Variants in CSMD2 observed in about 807,000 individuals in gnomAD.
CSMD2 encodes the protein CUB and sushi domain-containing protein 2.
A neutral mutation model predicts 398.5 loss-of-function variants in CSMD2; 130 were observed. The ratio of observed to expected loss-of-function variants is 0.33; its 90% CI spans 0.28 to 0.38. The LOEUF (loss-of-function observed/expected upper bound fraction) is 0.38. Among genes scored for constraint, CSMD2 ranks in the 10% least tolerant of loss-of-function variants. The probability of loss-of-function intolerance (pLI) is 1.00; values close to 1 mark genes in which losing one functional copy is unlikely to be tolerated. For synonymous variants in CSMD2, 1,828 were observed against 1,908.5 expected (o/e 0.96, Z 1.10); for missense variants, 3,829 against 4,764.9 (o/e 0.80, Z 5.78).
At chr1:33,596,387 C>A (rs1639838343) in intron 44 of CSMD2, among the ~76,000 whole-genome samples, 1 of 152,128 alleles carries the variant, frequency 6.6e-6, no homozygotes, top group Non-Finnish European at 1.5e-5. Context: ...CAGTGTGGCT[C>A]CCCCTGACAC....
intron 3 of CSMD2, among the ~76,000 whole-genome samples, chr1:34,009,972 C>A (rs138806509): frequency 6.6e-6 from 1 of 152,148 alleles, no homozygotes; most frequent in Non-Finnish European, 1.5e-5. Flanking sequence ...AATCCATTCT[C>A]CCTTCAGCAG....
At chr1:33,670,981 T>G (rs1644477974) in intron 25 of CSMD2, among the ~76,000 whole-genome samples, 1 of 149,776 alleles carries the variant, frequency 6.7e-6, no homozygotes, top group Non-Finnish European at 1.5e-5. Context: ...ATGAAGGGGG[T>G]GGGTGAGGAG....
At chr1:33,899,284 C>G (rs1465182124) in intron 5 of CSMD2, among the ~76,000 whole-genome samples, 2 of 152,210 alleles carry the variant, frequency 1.3e-5, no homozygotes, top group Non-Finnish European at 2.9e-5. Context: ...CAGCCCAAGG[C>G]CCAAAAGCAG....
chr1:33,913,231 A>C (rs1216809133), intron 5 of CSMD2, among the ~76,000 whole-genome samples: 1 of 152,184 alleles, frequency 6.6e-6, no homozygotes, highest in Non-Finnish European at 1.5e-5. Context: ...CAACAAAATC[A>C]CTGTCCCCTC....
At chr1:33,524,800 A>T in intron 66 of CSMD2, 82 bp downstream of exon 66, 2 of 1,393,220 alleles carry the variant, frequency 1.4e-6, no homozygotes, top group Non-Finnish European at 9.9e-7. Context: ...TGACAGTATG[A>T]TGCAATGCCA....
chr1:33,566,446 A>T (rs1254925213), intron 53 of CSMD2, among the ~76,000 whole-genome samples: 1 of 152,158 alleles, frequency 6.6e-6, no homozygotes, highest in Non-Finnish European at 1.5e-5. Flanking sequence ...GGAGACGGCA[A>T]AATTAAGACC....
chr1:33,539,412 C>A (rs541425571), intron 60 of CSMD2, among the ~76,000 whole-genome samples: 4 of 152,098 alleles, frequency 2.6e-5, no homozygotes. Context: ...AATGATGATG[C>A]ATAGATCAGT....
intron 13 of CSMD2, among the ~76,000 whole-genome samples, chr1:33,758,437 T>C (rs1330910342): frequency 6.6e-6 from 1 of 152,210 alleles, no homozygotes; most frequent in African/African-American, 2.4e-5. Flanking sequence ...TCACTCCAGC[T>C]GTGTTGGCTT....
chr1:33,906,585 C>T (rs530755450), intron 5 of CSMD2, among the ~76,000 whole-genome samples: 12 of 152,216 alleles, frequency 7.9e-5, no homozygotes, highest in Non-Finnish European at 1.5e-4. Context: ...TAGGGATATT[C>T]CCAGATTTCT....
At chr1:33,854,635 G>A (rs928620204) in intron 5 of CSMD2, among the ~76,000 whole-genome samples, 1 of 152,218 alleles carries the variant, frequency 6.6e-6, no homozygotes, top group Non-Finnish European at 1.5e-5. Flanking sequence ...CCCCAAAGCA[G>A]CAACAGTGAG....
chr1:34,027,927 G>T (rs1649882636), intron 3 of CSMD2, among the ~76,000 whole-genome samples: 1 of 152,198 alleles, frequency 6.6e-6, no homozygotes, highest in Admixed American at 6.5e-5. Context: ...AGGAGGAGGA[G>T]GTAAGTGGGG....
intron 27 of CSMD2, among the ~76,000 whole-genome samples, chr1:33,655,320 G>A (rs1031099400): frequency 3.3e-5 from 5 of 152,326 alleles, no homozygotes; most frequent in East Asian, 3.9e-4. Context: ...TCCTCATCTC[G>A]AAAGTAAAAG....
chr1:33,515,574 C>T lies in CSMD2; in HGVS notation c.*1050G>A, dbSNP rs1653690747. The T allele has an allele frequency of 6.6e-6, 1 of 152,200 alleles. No homozygotes were observed. The allele number at this position is 152,200 out of a possible 1,614,324, so 9.4% of individuals were successfully genotyped here. A position where few individuals can be genotyped will look rare whatever the true frequency, so the allele number is the denominator to read the frequency against. On this transcript the variant is annotated 3_prime_UTR_variant, in exon 71 of 71. Coordinates refer to ENST00000373381, the MANE Select transcript of CSMD2 (RefSeq NM_001281956.2). ...TGCAGGCTTCTGTTTTCTCATCTGTCAAAGGGGAATAACAAATCCTACATT... is the reference window on the plus strand; with the variant it reads ...TGCAGGCTTCTGTTTTCTCATCTGTTAAAGGGGAATAACAAATCCTACATT...
At chr1:33,709,844 T>A (rs1045485224) in intron 21 of CSMD2, among the ~76,000 whole-genome samples, 1 of 152,050 alleles carries the variant, frequency 6.6e-6, no homozygotes, top group Non-Finnish European at 1.5e-5. Flanking sequence ...AGGAACCAGG[T>A]ACTCAACCAC....
chr1:33,930,482 G>A (rs570055438), intron 4 of CSMD2, among the ~76,000 whole-genome samples: 9 of 152,274 alleles, frequency 5.9e-5, no homozygotes, highest in South Asian at 2.1e-4. Context: ...ACCGTATTCC[G>A]TCTTCCCCAG....
intron 1 of CSMD2, among the ~76,000 whole-genome samples, chr1:34,152,329 C>A (rs1021834868): frequency 6.6e-6 from 1 of 152,142 alleles, no homozygotes; most frequent in African/African-American, 2.4e-5. Context: ...GAAAAAGGAT[C>A]CCCTCAGCCC....
intron 25 of CSMD2, among the ~76,000 whole-genome samples, chr1:33,683,079 A>G (rs1644958153): frequency 6.6e-6 from 1 of 152,092 alleles, no homozygotes; most frequent in African/African-American, 2.4e-5. Context: ...CATTACTTAG[A>G]GTCTAGCTTG....
At chr1:34,165,603 C>T, upstream of CSMD2, 1 of 629,544 alleles carries the variant, frequency 1.6e-6, no homozygotes, top group East Asian at 3.0e-5. Flanking sequence ...CACACAAACA[C>T]ACACACACAC....
intron 5 of CSMD2, chr1:33,860,697 C>T (rs985758784): frequency 6.6e-6 from 1 of 152,204 alleles, no homozygotes; most frequent in Admixed American, 6.5e-5. Flanking sequence ...CAAAGTTACT[C>T]AGCTAGTAAA....
Sources: allele counts gnomAD v4.1 joint callset (sites outside exome capture counted in the v4.1 genomes callset), GRCh38; gene constraint gnomAD v4.1.1; transcripts MANE v1.5; gene names NCBI Gene and HGNC (gene_info 2026-07-23, HGNC 2026-07-21).